The following VPS13D variants were observed in gnomAD, a reference collection of about 807,000 sequenced individuals.
The protein encoded by VPS13D is vacuolar protein sorting 13 homolog D.
Under a neutral mutation model 461.9 loss-of-function variants are expected in VPS13D, and 187 were observed. The ratio of observed to expected loss-of-function variants is 0.40; its 90% CI spans 0.36 to 0.46. VPS13D has a LOEUF of 0.46. VPS13D is among the 20% of genes least tolerant of loss of function. The probability of loss-of-function intolerance (pLI) is 0.60; values close to 1 mark genes in which losing one functional copy is unlikely to be tolerated. For missense variants in VPS13D, 4,711 were observed against 5,364.9 expected (o/e 0.88, Z 3.81); for synonymous variants, 1,951 against 1,986.3 (o/e 0.98, Z 0.47).
chr1:12,415,049 A>G (rs1339075167), intron 63 of VPS13D, 38 bp from the exon 64 acceptor site: 2 of 1,608,388 alleles, frequency 1.2e-6, no homozygotes, highest in Non-Finnish European at 1.7e-6. Flanking sequence ...AGGCCATCAT[A>G]TGACTTAAGT....
intron 66 of VPS13D, among the ~76,000 whole-genome samples, chr1:12,459,255 G>A (rs796225649): frequency 3.9e-5 from 6 of 152,284 alleles, no homozygotes; most frequent in African/African-American, 1.4e-4. Flanking sequence ...CAAATGAAGT[G>A]ATATGTGGGC....
chr1:12,296,213 G>A lies in VPS13D; in HGVS notation c.6033+2509G>A, dbSNP rs182281239. Among the ~76,000 whole-genome samples, 7 of 152,210 alleles carry A rather than the reference G, an allele frequency of 4.6e-5. No individual in the cohort carries two copies. The East Asian group carries it at 1.4e-3, about 29-fold the overall frequency. ...GGAATTACTGAGCCATAGGGTGTGC[G>A]CACATTTCTCTTCACTAGATAAAGC... is the stretch of plus-strand genomic sequence containing the variant. On this transcript the variant is annotated intron_variant, in intron 24 of 69. Transcript: ENST00000620676.
chr1:12,376,190 A>G (rs116028446), intron 55 of VPS13D, among the ~76,000 whole-genome samples: 4,372 of 152,348 alleles, frequency 0.029, 94 homozygotes, highest in South Asian at 0.06. Context: ...AGAAGCAAGC[A>G]TGTGGGAATT....
intron 65 of VPS13D, among the ~76,000 whole-genome samples, chr1:12,432,709 A>G (rs1001021337): frequency 6.6e-6 from 1 of 150,660 alleles, no homozygotes; most frequent in African/African-American, 2.4e-5. Context: ...AATCCTCCCA[A>G]CCCGGCCTCC....
intron 6 of VPS13D, among the ~76,000 whole-genome samples, chr1:12,251,670 C>T (rs565949755): frequency 4.6e-5 from 7 of 152,222 alleles, no homozygotes; most frequent in Non-Finnish European, 8.8e-5. Flanking sequence ...TTTCCTGGCA[C>T]ACTGAAGGGA....
chr1:12,363,951 C>CAAAAAA (rs70987247), intron 52 of VPS13D, among the ~76,000 whole-genome samples: 1 of 44,608 alleles, frequency 2.2e-5, no homozygotes, highest in Non-Finnish European at 3.7e-5. Context: ...GACTCTATCT[C>CAAAAAA]AAAAAAAAAA....
intron 1 of VPS13D, among the ~76,000 whole-genome samples, chr1:12,231,848 G>C (rs1186766957): frequency 1.3e-5 from 2 of 152,088 alleles, no homozygotes; most frequent in African/African-American, 4.8e-5. Flanking sequence ...CTTAGCCGGG[G>C]ATGGTGGCAG....
intron 13 of VPS13D, 33 bp downstream of exon 13, chr1:12,262,113 T>A (rs758927080): frequency 4.4e-6 from 7 of 1,586,518 alleles, no homozygotes; most frequent in Non-Finnish European, 6.0e-6. Context: ...CCTGCCACTG[T>A]TGTCTCTCTG....
At chr1:12,410,612 T>A (rs570812811) in intron 63 of VPS13D, among the ~76,000 whole-genome samples, 35 of 152,320 alleles carry the variant, frequency 2.3e-4, no homozygotes, top group African/African-American at 8.2e-4. Context: ...TTTAAAATAC[T>A]ATGAAGGTAT....
chr1:12,318,312 C>T lies in VPS13D; in HGVS notation c.7389C>T (p.His2463=). Residue 2463 remains histidine (H), a synonymous_variant, in exon 31 of 70, where the codon CAC becomes CAT. Coordinates refer to ENST00000620676, the MANE Select transcript of VPS13D (RefSeq NM_015378.4). ...CCCTTCCTGTGTCCAATGAAAGGCACCTGGAGGTCAAGGTCAATGTAACAG... is the reference window on the plus strand; with the variant it reads ...CCCTTCCTGTGTCCAATGAAAGGCATCTGGAGGTCAAGGTCAATGTAACAG... ...RSSLPVSNER[H]LEVKVNVTGT... is the part of the protein sequence containing the mutation. The T allele has an allele frequency of 6.2e-7, 1 of 1,611,926 alleles. No homozygotes were observed. The highest frequency in any genetic ancestry group is 8.5e-7 in the Non-Finnish European group (1 of 1,178,130).
chr1:12,245,712 A>G (rs1640529379), intron 5 of VPS13D, among the ~76,000 whole-genome samples: 1 of 152,046 alleles, frequency 6.6e-6, no homozygotes, highest in Non-Finnish European at 1.5e-5. Context: ...TCTGGGCAAC[A>G]GACCAAAACC....
chr1:12,425,554 T>C (rs903758706), intron 65 of VPS13D, among the ~76,000 whole-genome samples: 34 of 150,442 alleles, frequency 2.3e-4, no homozygotes, highest in African/African-American at 6.6e-4. Flanking sequence ...ACAATGTTGT[T>C]TCTGTCTTAA....
chr1:12,419,506 C>T (rs1570135430), intron 65 of VPS13D, among the ~76,000 whole-genome samples: 1 of 152,192 alleles, frequency 6.6e-6, no homozygotes, highest in East Asian at 1.9e-4. Flanking sequence ...CTGCTTCTGG[C>T]GAAGTCTTAG....
intron 22 of VPS13D, among the ~76,000 whole-genome samples, chr1:12,290,772 A>T (rs1025089821): frequency 1.3e-5 from 2 of 151,388 alleles, no homozygotes; most frequent in African/African-American, 4.8e-5. Context: ...TCCCCTTTGG[A>T]CTTCTGCATT....
intron 48 of VPS13D, 39 bp downstream of exon 48, chr1:12,356,129 G>C (rs750869975): frequency 1.3e-6 from 2 of 1,558,152 alleles, no homozygotes; most frequent in Non-Finnish European, 1.7e-6. Context: ...TTTGGCGTTA[G>C]TCATGGGAAT....
At chr1:12,259,635 G>C (rs1641040784) in intron 10 of VPS13D, among the ~76,000 whole-genome samples, 1 of 152,090 alleles carries the variant, frequency 6.6e-6, no homozygotes, top group South Asian at 2.1e-4. Flanking sequence ...CACACACAAA[G>C]ACATAGAAGA....
At chr1:12,275,284 A>G (rs235238) in intron 18 of VPS13D, among the ~76,000 whole-genome samples, 128,530 of 151,620 alleles carry the variant, frequency 0.85, 54,942 homozygotes, top group African/African-American at 0.96. Flanking sequence ...GCATGGTGGT[A>G]CATGCCTGTA....
At chr1:12,322,358 A>G (rs1643063027) in intron 33 of VPS13D, among the ~76,000 whole-genome samples, 178 bp from the exon 34 acceptor site, 1 of 152,198 alleles carries the variant, frequency 6.6e-6, no homozygotes, top group African/African-American at 2.4e-5. Context: ...TAGTTGAGAC[A>G]TCTTACCTTA....
chr1:12,242,280 C>G (rs1187827765), intron 2 of VPS13D, among the ~76,000 whole-genome samples: 15 of 152,164 alleles, frequency 9.9e-5, no homozygotes, highest in Admixed American at 9.8e-4. Context: ...TAAGCCTGTT[C>G]TAGATGTAAA....
Sources: allele counts gnomAD v4.1 joint callset (sites outside exome capture counted in the v4.1 genomes callset), GRCh38; gene constraint gnomAD v4.1.1; transcripts MANE v1.5; gene names NCBI Gene and HGNC (gene_info 2026-07-23, HGNC 2026-07-21).